AGBL1: variants seen among roughly 807,000 people sequenced by gnomAD.
AGBL1 encodes the protein AGBL carboxypeptidase 1.
In AGBL1, 130 loss-of-function variants were observed where a neutral mutation model predicts 118.9. The ratio of observed to expected loss-of-function variants is 1.09; its 90% CI spans 0.95 to 1.26. The LOEUF is 1.26. Among genes scored for constraint, AGBL1 ranks in the 50% most tolerant of loss-of-function variants. The pLI is 0.00. For missense variants in AGBL1, 1,584 were observed against 1,298.1 expected (o/e 1.22, Z -3.38); for synonymous variants, 555 against 478.9 (o/e 1.16, Z -2.08).
downstream of AGBL1, among the ~76,000 whole-genome samples, chr15:86,916,805 G>C (rs2080430275): frequency 6.6e-6 from 1 of 152,208 alleles, no homozygotes; most frequent in Admixed American, 6.5e-5. Context: ...GGCCAGGCCG[G>C]TGAAGAGGCA....
intron 7 of AGBL1, among the ~76,000 whole-genome samples, chr15:86,251,890 G>GT (rs1336632738): frequency 6.6e-6 from 1 of 151,940 alleles, no homozygotes; most frequent in Non-Finnish European, 1.5e-5. Flanking sequence ...GGAGAAATAG[G>GT]TAACTGCAGA....
chr15:86,635,397 C>T (rs1159811584), intron 21 of AGBL1, among the ~76,000 whole-genome samples: 2 of 149,562 alleles, frequency 1.3e-5, no homozygotes, highest in Non-Finnish European at 1.5e-5. Flanking sequence ...TCTTCCTCCT[C>T]ATTGCTGTGT....
At chr15:86,876,391 GGA>G (rs1363978469) in intron 22 of AGBL1, among the ~76,000 whole-genome samples, 1 of 152,096 alleles carries the variant, frequency 6.6e-6, no homozygotes, top group Admixed American at 6.6e-5. Flanking sequence ...TTCAGAATTG[GGA>G]GCCAGGGGAC....
At chr15:86,921,633 G>A (rs2080482833) in intron 23 of AGBL1, among the ~76,000 whole-genome samples, 1 of 152,132 alleles carries the variant, frequency 6.6e-6, no homozygotes, top group Non-Finnish European at 1.5e-5. Context: ...AGGCCCCTAA[G>A]AGGAGTCCCT....
chr15:86,675,459 T>C (rs1334272588), intron 22 of AGBL1, among the ~76,000 whole-genome samples: 1 of 152,164 alleles, frequency 6.6e-6, no homozygotes, highest in Non-Finnish European at 1.5e-5. Flanking sequence ...ATTACCTAAA[T>C]GCAGTAATTA....
chr15:86,220,514 CT>C (rs1326551502), intron 5 of AGBL1, among the ~76,000 whole-genome samples: 3 of 152,136 alleles, frequency 2.0e-5, no homozygotes, highest in Non-Finnish European at 4.4e-5. Flanking sequence ...GTAAATTGAA[CT>C]GTTGCAATTC....
intron 1 of AGBL1, among the ~76,000 whole-genome samples, chr15:86,087,134 A>T (rs1418456751): frequency 6.6e-6 from 1 of 152,214 alleles, no homozygotes; most frequent in African/African-American, 2.4e-5. Flanking sequence ...AAACTTGTTT[A>T]ACACATATTT....
intron 23 of AGBL1, among the ~76,000 whole-genome samples, chr15:86,981,975 A>C (rs1035244884): frequency 1.3e-5 from 2 of 152,190 alleles, no homozygotes; most frequent in Non-Finnish European, 2.9e-5. Context: ...ATTACTTTAA[A>C]AATTATAATG....
chr15:86,988,341 T>A (rs937893173), intron 24 of AGBL1: 2 of 307,140 alleles, frequency 6.5e-6, no homozygotes, highest in Non-Finnish European at 1.2e-5. Context: ...ACTTACTATC[T>A]GCCAGTAGAT....
chr15:86,178,178 T>C (rs2077506891), intron 5 of AGBL1, among the ~76,000 whole-genome samples: 1 of 152,086 alleles, frequency 6.6e-6, no homozygotes, highest in African/African-American at 2.4e-5. Context: ...TTGGGTGTGG[T>C]GGCACCTGCC....
intron 18 of AGBL1, among the ~76,000 whole-genome samples, chr15:86,415,973 A>C (rs1342148831): frequency 6.6e-6 from 1 of 152,158 alleles, no homozygotes; most frequent in Non-Finnish European, 1.5e-5. Flanking sequence ...TTTTCACATG[A>C]CTTTTTTTTC....
At chr15:86,574,534 C>A (rs1190443105) in intron 21 of AGBL1, among the ~76,000 whole-genome samples, 1 of 148,156 alleles carries the variant, frequency 6.7e-6, no homozygotes, top group East Asian at 2.0e-4. Flanking sequence ...TAAGGAGATA[C>A]ATAACATATG....
intron 22 of AGBL1, among the ~76,000 whole-genome samples, chr15:86,714,821 A>G (rs936740657): frequency 6.6e-6 from 1 of 152,156 alleles, no homozygotes; most frequent in Non-Finnish European, 1.5e-5. Flanking sequence ...AGCAGGGAGC[A>G]TCAAGGGAGG....
At chr15:86,305,962 C>T (rs1040108306) in intron 17 of AGBL1, among the ~76,000 whole-genome samples, 2 of 151,376 alleles carry the variant, frequency 1.3e-5, no homozygotes, top group African/African-American at 2.4e-5. Flanking sequence ...TTTTATCTGT[C>T]TTCTGCATTT....
chr15:86,369,147 G>A (rs374976430), intron 17 of AGBL1, among the ~76,000 whole-genome samples: 1 of 152,132 alleles, frequency 6.6e-6, no homozygotes, highest in Non-Finnish European at 1.5e-5. Flanking sequence ...AACAAGAGAT[G>A]ACAGGCATGT....
intron 9 of AGBL1, 160 bp from the exon 10 acceptor site, chr15:86,262,618 A>G (rs1256858194): frequency 2.9e-6 from 2 of 691,686 alleles, no homozygotes; most frequent in Non-Finnish European, 5.3e-6. Context: ...TAAAAATACA[A>G]TCCAGCATAA....
chr15:86,761,438 C>A (rs188061286), intron 22 of AGBL1, among the ~76,000 whole-genome samples: 1 of 151,934 alleles, frequency 6.6e-6, no homozygotes, highest in Non-Finnish European at 1.5e-5. Flanking sequence ...ACTTGAATAG[C>A]CTGTATGAAA....
At chr15:86,961,826 T>C (rs1567261198) in intron 23 of AGBL1, among the ~76,000 whole-genome samples, 1 of 152,200 alleles carries the variant, frequency 6.6e-6, no homozygotes, top group East Asian at 1.9e-4. Context: ...AGGGTATGCC[T>C]AAGATATTGC....
intron 16 of AGBL1, among the ~76,000 whole-genome samples, chr15:86,281,678 GGAACA>G (rs2079357567): frequency 6.6e-6 from 1 of 152,166 alleles, no homozygotes; most frequent in Non-Finnish European, 1.5e-5. Context: ...CAGCCATGCA[GGAACA>G]GAACATCAGC....
Sources: allele counts gnomAD v4.1 joint callset (sites outside exome capture counted in the v4.1 genomes callset), GRCh38; gene constraint gnomAD v4.1.1; transcripts MANE v1.5; gene names NCBI Gene and HGNC (gene_info 2026-07-23, HGNC 2026-07-21).